ELMOD2: variants seen among roughly 807,000 people sequenced by gnomAD.
The protein encoded by ELMOD2 is ELMO domain containing 2, also known as ELMO domain-containing protein 2.
ELMOD2 carries 28 observed loss-of-function variants against 41.0 expected under a neutral mutation model. The ratio of observed to expected loss-of-function variants is 0.68; its 90% CI spans 0.51 to 0.94. ELMOD2 has a LOEUF of 0.94. Ranked by LOEUF, ELMOD2 falls within the 40% of genes least tolerant of loss-of-function variation. The pLI, the probability that ELMOD2 is intolerant of heterozygous loss-of-function variation, is 0.00. For synonymous variants in ELMOD2, 106 were observed against 107.2 expected (o/e 0.99, Z 0.07); for missense variants, 333 against 343.1 (o/e 0.97, Z 0.23).
chr4:140,525,621 T>C, intron 2 of ELMOD2, 51 bp downstream of exon 2: 1 of 1,555,464 alleles, frequency 6.4e-7, no homozygotes, highest in East Asian at 2.3e-5. Flanking sequence ...ACGGAGTGTT[T>C]TTCTCAGGAC....
At chr4:140,524,874 G>T (rs1177082033) in intron 1 of ELMOD2, 1 of 153,982 alleles carries the variant, frequency 6.5e-6, no homozygotes, top group African/African-American at 2.4e-5. Context: ...AATCAAGAAT[G>T]AGCTAAGGTG....
At chr4:140,532,109 AAT>A in intron 3 of ELMOD2, among the ~76,000 whole-genome samples, 1 of 152,104 alleles carries the variant, frequency 6.6e-6, no homozygotes, top group East Asian at 1.9e-4. Context: ...TCCTTAACAG[AAT>A]GCTAGCAAAT....
intron 3 of ELMOD2, among the ~76,000 whole-genome samples, chr4:140,531,539 T>G (rs1245999200): frequency 6.6e-6 from 1 of 152,226 alleles, no homozygotes; most frequent in Non-Finnish European, 1.5e-5. Flanking sequence ...TCTATTGGTG[T>G]TTTTGGTGGC....
At chr4:140,544,814 G>A (rs1735220866) in intron 8 of ELMOD2, among the ~76,000 whole-genome samples, 1 of 152,006 alleles carries the variant, frequency 6.6e-6, no homozygotes, top group South Asian at 2.1e-4. Flanking sequence ...ATGCCTTCTC[G>A]CCTTCCAAAT....
chr4:140,535,707 C>T (rs774149995), intron 3 of ELMOD2, 26 bp from the exon 4 acceptor site: 13 of 1,589,198 alleles, frequency 8.2e-6, no homozygotes, highest in Non-Finnish European at 1.0e-5. Flanking sequence ...GAATTTTTCT[C>T]ATTTGGCTTT....
At chr4:140,540,112 C>A in intron 5 of ELMOD2, 56 bp from the exon 6 acceptor site, 1 of 1,564,342 alleles carries the variant, frequency 6.4e-7, no homozygotes, top group South Asian at 1.2e-5. Flanking sequence ...CATTAAATTA[C>A]TAGTTACAAG....
At chr4:140,542,036 A>AGTTT (rs985704905) in intron 6 of ELMOD2, among the ~76,000 whole-genome samples, 25 of 152,212 alleles carry the variant, frequency 1.6e-4, no homozygotes, top group African/African-American at 5.8e-4. Flanking sequence ...ACAAATAGAT[A>AGTTT]GTTTCATATA....
At chr4:140,527,117 C>G (rs1734590096) in intron 2 of ELMOD2, among the ~76,000 whole-genome samples, 1 of 152,174 alleles carries the variant, frequency 6.6e-6, no homozygotes, top group South Asian at 2.1e-4. Context: ...AGAGCACTCT[C>G]ATTGTAGTCT....
intron 3 of ELMOD2, among the ~76,000 whole-genome samples, chr4:140,531,688 C>CT (rs2110832115): frequency 6.6e-6 from 1 of 152,302 alleles, no homozygotes. Flanking sequence ...TTTTGGGCCT[C>CT]TACTTTTCCA....
chr4:140,530,464 T>G (rs1204733956), intron 3 of ELMOD2, among the ~76,000 whole-genome samples: 1 of 152,190 alleles, frequency 6.6e-6, no homozygotes, highest in African/African-American at 2.4e-5. Flanking sequence ...ACTAGAGTGT[T>G]TGGGGATTTT....
intron 8 of ELMOD2, 109 bp from the exon 9 acceptor site, chr4:140,550,121 G>A: frequency 1.1e-6 from 1 of 918,572 alleles, no homozygotes. Context: ...TTTGATTATT[G>A]TATTCTAATA....
In ELMOD2 at chr4:140,535,126, A is replaced by G. The variant is rs1435817364; in HGVS notation, c.172-607A>G. ...CTCACCTTTTACTTTTCTCTGGGGA[A>G]ATCTGTTTCTTTCTCTCTCTCTCTC... is the stretch of plus-strand genomic sequence containing the variant. On this transcript the variant is annotated intron_variant, in intron 3 of 8. Coordinates refer to ENST00000323570, the MANE Select transcript of ELMOD2 (RefSeq NM_153702.4). Among the ~76,000 whole-genome samples the G allele has an allele frequency of 3.5e-5, 4 of 115,038 alleles. No homozygotes were observed. The Admixed American group carries it at 4.0e-4, about 12-fold the overall frequency. 75.5% of individuals were successfully genotyped at this position (115,038 alleles called of 152,430 possible).
chr4:140,528,199 G>A (rs1734632189), intron 3 of ELMOD2, among the ~76,000 whole-genome samples: 1 of 152,196 alleles, frequency 6.6e-6, no homozygotes, highest in South Asian at 2.1e-4. Context: ...CCCAAGTCAA[G>A]GGGTGGAGAA....
chr4:140,534,660 C>G (rs1420001689), intron 3 of ELMOD2, among the ~76,000 whole-genome samples: 1 of 152,152 alleles, frequency 6.6e-6, no homozygotes, highest in African/African-American at 2.4e-5. Flanking sequence ...CAAGTTCATT[C>G]AATCAGTCAT....
chr4:140,540,090 GT>G, intron 5 of ELMOD2, 77 bp from the exon 6 acceptor site: 1 of 1,497,072 alleles, frequency 6.7e-7, no homozygotes, highest in Non-Finnish European at 9.0e-7. Context: ...TTCTACAAAA[GT>G]TATTTGATAG....
chr4:140,540,919 A>C (rs1425219349), intron 6 of ELMOD2, among the ~76,000 whole-genome samples: 1 of 151,848 alleles, frequency 6.6e-6, no homozygotes, highest in Non-Finnish European at 1.5e-5. Context: ...CTCTGATTCT[A>C]TTTTGGCAAA....
intron 7 of ELMOD2, among the ~76,000 whole-genome samples, 168 bp from the exon 8 acceptor site, chr4:140,543,285 C>T (rs557110132): frequency 6.6e-6 from 1 of 151,906 alleles, no homozygotes; most frequent in South Asian, 2.1e-4. Flanking sequence ...CTTTAAAAAG[C>T]AAAAATGTTA....
chr4:140,534,878 CA>C (rs1278511934), intron 3 of ELMOD2, among the ~76,000 whole-genome samples: 3 of 152,150 alleles, frequency 2.0e-5, no homozygotes, highest in African/African-American at 7.2e-5. Flanking sequence ...GAGGAAGTGA[CA>C]TTGAACTGGA....
intron 3 of ELMOD2, among the ~76,000 whole-genome samples, chr4:140,529,810 G>C (rs2110826193): frequency 6.6e-6 from 1 of 152,214 alleles, no homozygotes; most frequent in Admixed American, 6.5e-5. Flanking sequence ...CTACCTAAGG[G>C]TATACCTTTG....
Sources: gnomAD v4.1 joint callset for allele counts (sites outside exome capture counted in the v4.1 genomes callset) on GRCh38, gnomAD v4.1.1 for gene constraint, MANE v1.5 for transcripts, NCBI Gene and HGNC (gene_info 2026-07-23, HGNC 2026-07-21) for gene names.